Variants in STAMBP observed in about 807,000 individuals in gnomAD.
The protein encoded by STAMBP is STAM-binding protein.
In STAMBP, 31 loss-of-function variants were observed where a neutral mutation model predicts 50.7. The observed-to-expected ratio is 0.61, with a 90% CI of 0.46 to 0.83. STAMBP has a LOEUF of 0.83. STAMBP is among the 40% of genes least tolerant of loss of function. The pLI, the probability that STAMBP is intolerant of heterozygous loss-of-function variation, is 0.00. For missense variants in STAMBP, 472 were observed against 518.9 expected, an observed-to-expected ratio of 0.91 and a Z score of 0.88; for synonymous variants, 211 against 192.4, an observed-to-expected ratio of 1.10 and a Z score of -0.80.
chr2:73,830,770 T>G (rs1573226634), intron 1 of STAMBP, 75 bp from the exon 2 acceptor site: 1 of 1,095,062 alleles, frequency 9.1e-7, no homozygotes, highest in Non-Finnish European at 1.3e-6. Context: ...AAGGTAGAGG[T>G]CTGTGAGATA....
intron 4 of STAMBP, 94 bp from the exon 5 acceptor site, chr2:73,847,293 C>T (rs1676234681): frequency 6.8e-7 from 1 of 1,462,274 alleles, no homozygotes; most frequent in Non-Finnish European, 9.2e-7. Flanking sequence ...AGCAGAAGTA[C>T]ATTTTGGAAA....
intron 4 of STAMBP, 115 bp from the exon 5 acceptor site, chr2:73,847,271 TA>T (rs1676231687): frequency 2.3e-6 from 3 of 1,279,160 alleles, no homozygotes; most frequent in Non-Finnish European, 2.1e-6. Context: ...CTGTGTTAGG[TA>T]ATCAGGCCAC....
At chr2:73,830,640 T>G (rs1358801566) in intron 1 of STAMBP, among the ~76,000 whole-genome samples, 2 of 152,260 alleles carry the variant, frequency 1.3e-5, no homozygotes. Context: ...TGTTTTCTAG[T>G]CTGCCAGTAC....
At chr2:73,856,149 AC>A (rs1677521316) in intron 7 of STAMBP, among the ~76,000 whole-genome samples, 1 of 152,230 alleles carries the variant, frequency 6.6e-6, no homozygotes, top group South Asian at 2.1e-4. Flanking sequence ...TAACTGATTA[AC>A]CTCAAATTTT....
intron 7 of STAMBP, among the ~76,000 whole-genome samples, chr2:73,853,679 G>A (rs1365057881): frequency 2.6e-5 from 4 of 152,166 alleles, no homozygotes; most frequent in African/African-American, 7.2e-5. Context: ...CCAAGATTAC[G>A]CCACTGCACT....
At chr2:73,843,348 C>T (rs1359414451) in intron 2 of STAMBP, among the ~76,000 whole-genome samples, 4 of 148,112 alleles carry the variant, frequency 2.7e-5, no homozygotes, top group African/African-American at 1.0e-4. Flanking sequence ...CAGATGCATA[C>T]CACCACACCC....
chr2:73,873,379 T>C (rs149140489), exon 11 of STAMBP: 1 of 152,332 alleles, frequency 6.6e-6, no homozygotes, highest in East Asian at 1.9e-4. Context: ...ACAGAGCCCA[T>C]GGCCCACTTA....
intron 4 of STAMBP, among the ~76,000 whole-genome samples, chr2:73,847,141 G>A (rs569279290): frequency 8.6e-5 from 13 of 152,026 alleles, no homozygotes; most frequent in Non-Finnish European, 1.6e-4. Context: ...AGTCATTGTC[G>A]GGAGGGTATT....
chr2:73,860,840 C>T (rs1398404196), intron 9 of STAMBP, among the ~76,000 whole-genome samples: 1 of 152,078 alleles, frequency 6.6e-6, no homozygotes, highest in Non-Finnish European at 1.5e-5. Context: ...AACCTTGACA[C>T]TTAAAAGGAC....
chr2:73,846,119 A>T (rs1290318283), intron 4 of STAMBP, among the ~76,000 whole-genome samples: 2 of 152,016 alleles, frequency 1.3e-5, no homozygotes, highest in Non-Finnish European at 2.9e-5. Flanking sequence ...AACAGCTATG[A>T]GGTATATACT....
rs1348926049 is a variant in STAMBP, at chr2:73,863,853, T to C, written c.*1594T>C. 1 of 152,262 alleles carries C rather than the reference T, an allele frequency of 6.6e-6. No homozygotes were observed. Among genetic ancestry groups the C allele is most frequent in the Non-Finnish European group, 1.5e-5 (1 of 68,056 alleles). 9.4% of individuals were successfully genotyped at this position (152,262 alleles called of 1,614,324 possible). A position where few individuals can be genotyped will look rare whatever the true frequency, so the allele number is the denominator to read the frequency against. ...TTGGCTTTTACCAAGTCTCTTTGTT[T>C]TTAGCATTTCTTCATTCCAGTCTGT... On this transcript the variant is annotated 3_prime_UTR_variant, in exon 10 of 10. Coordinates refer to ENST00000394070, the MANE Select transcript of STAMBP (RefSeq NM_213622.4).
At chr2:73,830,734 G>C (rs1673796920) in intron 1 of STAMBP, 111 bp from the exon 2 acceptor site, 2 of 815,622 alleles carry the variant, frequency 2.5e-6, no homozygotes, top group Admixed American at 5.5e-5. Context: ...ACAGCATTTG[G>C]TATGTTTCTC....
chr2:73,872,836 G>A (rs1450613319), intron 10 of STAMBP, among the ~76,000 whole-genome samples: 1 of 152,162 alleles, frequency 6.6e-6, no homozygotes, highest in African/African-American at 2.4e-5. Context: ...GAAAGTGGGG[G>A]AAGGATCTAG....
Position 73,862,292 on chromosome 2 carries a change from A to C in STAMBP, c.*33A>C. 3 of 1,595,192 alleles carry C rather than the reference A, an allele frequency of 1.9e-6. No homozygotes were observed. Among genetic ancestry groups the C allele is most frequent in the Non-Finnish European group, 2.6e-6 (3 of 1,170,866 alleles). On this transcript the variant is annotated 3_prime_UTR_variant, in exon 10 of 10. Transcript: ENST00000394070. ...AGTCCAACACCTTCCAAGAACAACA[A>C]AACCATATCAGTGTACTGTAGCCCC...
At position 73,849,329 on chromosome 2, in the gene STAMBP, G is replaced by C; in HGVS notation, c.743-34G>C. On this transcript the variant is annotated intron_variant, in intron 5 of 9. Coordinates refer to ENST00000394070, the MANE Select transcript of STAMBP (RefSeq NM_213622.4). ...GGTCTGCTTGAGGAGGCAGGGCTCAGTGGTCGCAGACTATTCTCCTTTCTC... is the reference window on the plus strand; with the variant it reads ...GGTCTGCTTGAGGAGGCAGGGCTCACTGGTCGCAGACTATTCTCCTTTCTC... The C allele has an allele frequency of 1.9e-6, 3 of 1,612,344 alleles. 1 individual carries two copies. The highest frequency in any genetic ancestry group is 2.5e-6 in the Non-Finnish European group (3 of 1,179,802).
At chr2:73,843,556 A>G (rs1294574980) in intron 2 of STAMBP, among the ~76,000 whole-genome samples, 1 of 151,994 alleles carries the variant, frequency 6.6e-6, no homozygotes, top group East Asian at 1.9e-4. Flanking sequence ...GGCATGAGCC[A>G]CCGCACCCAG....
intron 7 of STAMBP, among the ~76,000 whole-genome samples, chr2:73,854,356 T>C (rs1558586823): frequency 6.6e-6 from 1 of 152,250 alleles, no homozygotes; most frequent in Non-Finnish European, 1.5e-5. Context: ...GAATCATTAC[T>C]GTACAGACTT....
At chr2:73,852,168 A>G (rs750934667) in intron 7 of STAMBP, among the ~76,000 whole-genome samples, 2 of 152,172 alleles carry the variant, frequency 1.3e-5, no homozygotes, top group Non-Finnish European at 2.9e-5. Flanking sequence ...TAATAATGAT[A>G]AGAGCTAGGG....
chr2:73,863,691 G>A lies in STAMBP; in HGVS notation c.*1432G>A, dbSNP rs1228313153. Reference sequence around the variant, plus strand: ...CCATTTCCTGCTGCAGCCCAGAGCAGCCTGGCTGTTCCACCTTGCTCTAAA... The same window carrying A: ...CCATTTCCTGCTGCAGCCCAGAGCAACCTGGCTGTTCCACCTTGCTCTAAA... On this transcript the variant is annotated 3_prime_UTR_variant, in exon 10 of 10. Transcript: ENST00000394070. 2.6e-5 allele frequency: 4 copies of A among 152,362 alleles called. No individual in the cohort carries two copies. In the East Asian group the frequency reaches 7.7e-4, roughly 29 times the overall value. The allele number at this position is 152,362 out of a possible 1,614,324, so 9.4% of individuals were successfully genotyped here.
Sources: gnomAD v4.1 joint callset for allele counts (sites outside exome capture counted in the v4.1 genomes callset) on GRCh38, gnomAD v4.1.1 for gene constraint, MANE v1.5 for transcripts, NCBI Gene and HGNC (gene_info 2026-07-23, HGNC 2026-07-21) for gene names.